DYNC2LI1: variants seen among roughly 807,000 people sequenced by gnomAD.
DYNC2LI1 encodes the protein dynein cytoplasmic 2 light intermediate chain 1.
Under a neutral mutation model 51.9 loss-of-function variants are expected in DYNC2LI1, and 45 were observed. That is an observed-to-expected ratio of 0.87 (90% CI 0.68 to 1.11). The LOEUF is 1.11. DYNC2LI1 is among the 50% of genes most tolerant of loss of function. The pLI is 0.00. For missense variants in DYNC2LI1, 490 were observed against 417.4 expected (o/e 1.17, Z -1.51); for synonymous variants, 130 against 137.8 (o/e 0.94, Z 0.40).
At chr2:43,819,504 T>C in the DYNC2LI1 span, among the ~76,000 whole-genome samples, 14 of 151,888 alleles carry the variant, frequency 9.2e-5, no homozygotes, top group East Asian at 2.7e-3. Context: ...GTCTGACTAG[T>C]CTTAATTCCT....
At chr2:43,813,320 A>G, downstream of DYNC2LI1, 1 of 1,581,200 alleles carries the variant, frequency 6.3e-7, no homozygotes, top group Non-Finnish European at 8.7e-7. Flanking sequence ...CTGTCAAGGA[A>G]AAGATTGACA....
the DYNC2LI1 span, chr2:43,824,121 G>A: frequency 5.6e-6 from 9 of 1,614,174 alleles, no homozygotes; most frequent in Non-Finnish European, 7.6e-6. Context: ...TCACTCTCCT[G>A]AAAACAAACA....
chr2:43,813,674 GTTTTTTT>G (rs1284706812), downstream of DYNC2LI1, among the ~76,000 whole-genome samples: 1 of 20,308 alleles, frequency 4.9e-5, no homozygotes, highest in African/African-American at 1.2e-4. Context: ...TTTTTTGGTT[GTTTTTTT>G]TTTGTTTTTT....
chr2:43,776,183 C>G (rs1673011367), intron 1 of DYNC2LI1, among the ~76,000 whole-genome samples: 1 of 151,978 alleles, frequency 6.6e-6, no homozygotes, highest in South Asian at 2.1e-4. Flanking sequence ...TATCCCTCCC[C>G]CATGCTAATT....
chr2:43,796,391 C>A (rs1674038308), intron 7 of DYNC2LI1, among the ~76,000 whole-genome samples: 1 of 151,098 alleles, frequency 6.6e-6, no homozygotes, highest in Non-Finnish European at 1.5e-5. Context: ...TACTTCCCAA[C>A]TTTTAAATGG....
downstream of DYNC2LI1, chr2:43,814,552 T>C (rs1467832847): frequency 1.2e-6 from 2 of 1,607,270 alleles, no homozygotes; most frequent in African/African-American, 2.7e-5. Flanking sequence ...GTAAAATAAC[T>C]GATGATTTTA....
At chr2:43,779,347 A>G (rs778637111) in intron 2 of DYNC2LI1, among the ~76,000 whole-genome samples, 6 of 152,234 alleles carry the variant, frequency 3.9e-5, no homozygotes, top group South Asian at 2.1e-4. Flanking sequence ...TAATGCTTCT[A>G]TTGTTCAATT....
intron 2 of DYNC2LI1, among the ~76,000 whole-genome samples, chr2:43,778,380 C>G (rs1200310698): frequency 6.6e-6 from 1 of 152,100 alleles, no homozygotes; most frequent in African/African-American, 2.4e-5. Context: ...CCTCAAACTC[C>G]TGGACTCAAG....
At chr2:43,814,444 T>C (rs1418023120), downstream of DYNC2LI1, 2 of 1,416,198 alleles carry the variant, frequency 1.4e-6, no homozygotes, top group Admixed American at 3.4e-5. Context: ...CAGAGTAACA[T>C]GCAAAAATAA....
At position 43,796,734 on chromosome 2, in the gene DYNC2LI1, A is replaced by G; in HGVS notation, c.593A>G (p.Lys198Arg). The G allele has an allele frequency of 6.2e-7, 1 of 1,612,930 alleles. No homozygotes were observed. The highest frequency in any genetic ancestry group is 8.5e-7 in the Non-Finnish European group (1 of 1,179,186). ...TTTCTACAGGATTTTGAGTCTGAGA[A>G]GAGAAAGGTAATATGCAAGACACTT... ...YDVFQDFESE[K>R]RKVICKTLRF... Residue 198 changes from lysine (K) to arginine (R), a missense_variant, in exon 8 of 13, where the codon AAG becomes AGG. Transcript: ENST00000260605.
Position 43,801,669 on chromosome 2 carries a change from G to T in DYNC2LI1, c.762G>T (p.Pro254=), listed in dbSNP as rs145754782. The T allele has an allele frequency of 6.2e-7, 1 of 1,609,486 alleles. No individual in the cohort carries two copies. The highest frequency in any genetic ancestry group is 8.5e-7 in the Non-Finnish European group (1 of 1,177,674). The stretch of plus-strand genomic sequence containing the variant: ...CAATATGTGTGGATCAGAATAAACC[G>T]CTGTTTATCACAGCAGGATTGGATT... ...SKSICVDQNK[P]LFITAGLDSF... The change falls in exon 10 of 13, where the codon CCG becomes CCT. Residue 254 remains proline (P), a synonymous_variant. Transcript: ENST00000260605.
At chr2:43,781,512 G>A (rs1472427624) in intron 2 of DYNC2LI1, 2 of 151,858 alleles carry the variant, frequency 1.3e-5, no homozygotes, top group East Asian at 3.9e-4. Context: ...TTACTTTTTG[G>A]GTAATGTAGC....
intron 6 of DYNC2LI1, chr2:43,794,976 C>G (rs1673966642): frequency 1.6e-6 from 2 of 1,217,800 alleles, no homozygotes; most frequent in Middle Eastern, 3.3e-4. Context: ...CAAAAGTCAC[C>G]TGACAAAGAC....
intron 10 of DYNC2LI1, among the ~76,000 whole-genome samples, chr2:43,804,359 G>A (rs1197088536): frequency 1.3e-5 from 2 of 152,168 alleles, no homozygotes; most frequent in Non-Finnish European, 2.9e-5. Flanking sequence ...ACCAAAAACT[G>A]GAATTACTGG....
the DYNC2LI1 span, chr2:43,827,920 G>C: frequency 2.5e-6 from 4 of 1,606,748 alleles, no homozygotes; most frequent in Non-Finnish European, 3.4e-6. Flanking sequence ...AGGGCCCAAA[G>C]TATCTGCACA....
At chr2:43,781,345 C>A (rs1673270900) in intron 2 of DYNC2LI1, among the ~76,000 whole-genome samples, 1 of 148,766 alleles carries the variant, frequency 6.7e-6, no homozygotes, top group South Asian at 2.2e-4. Flanking sequence ...CCAGCCTATG[C>A]AACAGAGGGA....
the DYNC2LI1 span, chr2:43,826,658 C>G: frequency 7.3e-7 from 1 of 1,369,932 alleles, no homozygotes; most frequent in East Asian, 2.3e-5. Flanking sequence ...AACATGTAAA[C>G]TGGCTTTCAG....
intron 2 of DYNC2LI1, among the ~76,000 whole-genome samples, chr2:43,777,968 TA>T (rs1300448402): frequency 6.6e-6 from 1 of 152,234 alleles, no homozygotes; most frequent in Non-Finnish European, 1.5e-5. Context: ...AAAATTCTGA[TA>T]AAAATTAGAA....
the DYNC2LI1 span, chr2:43,824,210 G>C: frequency 6.2e-7 from 1 of 1,614,140 alleles, no homozygotes; most frequent in Non-Finnish European, 8.5e-7. Context: ...ACATTTGTGA[G>C]CCTCTTACCT....
Sources: gnomAD v4.1 joint callset for allele counts (sites outside exome capture counted in the v4.1 genomes callset) on GRCh38, gnomAD v4.1.1 for gene constraint, MANE v1.5 for transcripts, NCBI Gene and HGNC (gene_info 2026-07-23, HGNC 2026-07-21) for gene names.